Variants in CLIC5 observed in about 807,000 individuals in gnomAD.
CLIC5 encodes the protein CLIC family member 5, also known as chloride intracellular channel protein 5.
Under a neutral mutation model 24.7 loss-of-function variants are expected in CLIC5, and 20 were observed. The ratio of observed to expected loss-of-function variants is 0.81; its 90% CI spans 0.57 to 1.18. CLIC5 has a LOEUF of 1.18. Among genes scored for constraint, CLIC5 ranks in the 50% most tolerant of loss-of-function variants. The probability of loss-of-function intolerance (pLI) is 0.00; values close to 1 mark genes in which losing one functional copy is unlikely to be tolerated. For synonymous variants in CLIC5, 159 were observed against 135.6 expected, an observed-to-expected ratio of 1.17 and a Z score of -1.20; for missense variants, 341 against 326.1, an observed-to-expected ratio of 1.05 and a Z score of -0.35.
rs192526866 is a variant in CLIC5, at chr6:45,909,291, A to G, written c.588+4937T>C. On this transcript the variant is annotated intron_variant, in intron 5 of 5. Transcript: ENST00000339561. ...TAGATCATTTACATTCAAGGTTAAT[A>G]TTGATATGTGAGGTTTTGATCTTTT... 2.8e-4 allele frequency among the ~76,000 whole-genome samples: 42 copies of G among 152,214 alleles called. 1 individual carries two copies. The East Asian group carries it at 6.0e-3, about 22-fold the overall frequency.
At chr6:45,920,341 G>A (rs925988529) in intron 4 of CLIC5, 3 of 957,706 alleles carry the variant, frequency 3.1e-6, no homozygotes, top group Non-Finnish European at 2.5e-6. Flanking sequence ...TGGTCAAAAA[G>A]TGAGAAATCC....
chr6:46,015,509 T>A lies in CLIC5; in HGVS notation c.34A>T (p.Arg12Trp). Residue 12 changes from arginine (R) to tryptophan (W), a missense_variant, in exon 1 of 6, where the codon AGG (arginine) becomes TGG (tryptophan). Coordinates refer to ENST00000339561, the MANE Select transcript of CLIC5 (RefSeq NM_016929.5). Reference sequence around the variant, plus strand: ...ACAAAGAGCTCGATCTCGGGGTCCCTGTCGTCCCCGTTAGCTGTCGCCGAG... The same window carrying A: ...ACAAAGAGCTCGATCTCGGGGTCCCAGTCGTCCCCGTTAGCTGTCGCCGAG... ...TDSATANGDD[R>W]DPEIELFVKA... The A allele has an allele frequency of 6.4e-7, 1 of 1,573,110 alleles. No homozygotes were observed. Among genetic ancestry groups the A allele is most frequent in the Non-Finnish European group, 8.6e-7 (1 of 1,160,940 alleles).
intron 1 of CLIC5, among the ~76,000 whole-genome samples, chr6:45,957,962 T>A (rs2127389739): frequency 6.6e-6 from 1 of 152,092 alleles, no homozygotes; most frequent in African/African-American, 2.4e-5. Context: ...TTTTGAGCAC[T>A]GGGGGCCAGG....
At chr6:45,910,532 A>G (rs1397235767) in intron 5 of CLIC5, among the ~76,000 whole-genome samples, 4 of 152,238 alleles carry the variant, frequency 2.6e-5, no homozygotes, top group Non-Finnish European at 5.9e-5. Context: ...ATGTTACATG[A>G]TAAATTAATT....
chr6:45,890,857 T>C (rs1400382482), intron 6 of CLIC5, among the ~76,000 whole-genome samples: 1 of 152,100 alleles, frequency 6.6e-6, no homozygotes, highest in African/African-American at 2.4e-5. Context: ...CTCACTTTTA[T>C]GTGGAATCTT....
chr6:46,060,839 C>G (rs1396363022), intron 1 of CLIC5, among the ~76,000 whole-genome samples: 2 of 152,174 alleles, frequency 1.3e-5, no homozygotes, highest in Admixed American at 1.3e-4. Context: ...ATTATATGCT[C>G]TAGAACCTGA....
intron 4 of CLIC5, among the ~76,000 whole-genome samples, chr6:45,936,059 C>T (rs978410185): frequency 7.9e-5 from 12 of 152,130 alleles, no homozygotes; most frequent in African/African-American, 2.9e-4. Flanking sequence ...CCTCTGTCAT[C>T]CCATCTATGT....
intron 1 of CLIC5, among the ~76,000 whole-genome samples, chr6:46,047,082 T>G (rs1382143015): frequency 2.0e-5 from 3 of 152,242 alleles, no homozygotes; most frequent in Non-Finnish European, 4.4e-5. Context: ...ATAAGATATT[T>G]GAGCTGCAAC....
intron 1 of CLIC5, among the ~76,000 whole-genome samples, chr6:46,037,587 G>C (rs1767696758): frequency 6.6e-6 from 1 of 152,176 alleles, no homozygotes; most frequent in Non-Finnish European, 1.5e-5. Flanking sequence ...AGAATTATTT[G>C]GGTATGAAGT....
intron 1 of CLIC5, among the ~76,000 whole-genome samples, chr6:45,980,241 G>A (rs987148760): frequency 2.0e-5 from 3 of 151,970 alleles, no homozygotes; most frequent in Admixed American, 2.0e-4. Context: ...TCTTTATCCT[G>A]TTTCACTGGT....
At chr6:45,978,948 T>TAA (rs10542352) in intron 1 of CLIC5, among the ~76,000 whole-genome samples, 17 of 145,014 alleles carry the variant, frequency 1.2e-4, no homozygotes, top group South Asian at 2.2e-4. Context: ...AAAACTCCAT[T>TAA]AAAAAAAAAA....
intron 1 of CLIC5, among the ~76,000 whole-genome samples, chr6:45,985,325 A>G (rs1378667836): frequency 2.0e-5 from 3 of 152,172 alleles, no homozygotes; most frequent in African/African-American, 7.2e-5. Flanking sequence ...TTAATCTCAT[A>G]TACTCTAATT....
intron 1 of CLIC5, among the ~76,000 whole-genome samples, chr6:46,032,147 G>A (rs1767521624): frequency 6.6e-6 from 1 of 152,034 alleles, no homozygotes; most frequent in African/African-American, 2.4e-5. Flanking sequence ...GAAGGCCTCA[G>A]GAAACTTACA....
At chr6:46,100,647 CTTTTA>C in the CLIC5 span, among the ~76,000 whole-genome samples, 4 of 152,178 alleles carry the variant, frequency 2.6e-5, no homozygotes, top group East Asian at 7.7e-4. Context: ...AATCATATAC[CTTTTA>C]TTTTAAATTA....
chr6:46,023,972 A>C (rs1767257065), intron 1 of CLIC5, among the ~76,000 whole-genome samples: 2 of 152,134 alleles, frequency 1.3e-5, no homozygotes, highest in African/African-American at 4.8e-5. Flanking sequence ...TGAACAGTCC[A>C]TCTTGCTAAT....
At chr6:46,022,111 A>G (rs1364885195) in intron 1 of CLIC5, among the ~76,000 whole-genome samples, 1 of 152,232 alleles carries the variant, frequency 6.6e-6, no homozygotes, top group African/African-American at 2.4e-5. Flanking sequence ...AATTAGGCTG[A>G]TCAACAAAAT....
intron 1 of CLIC5, among the ~76,000 whole-genome samples, chr6:45,964,961 C>T (rs2127397753): frequency 6.6e-6 from 1 of 152,306 alleles, no homozygotes; most frequent in Admixed American, 6.5e-5. Flanking sequence ...TTTACAGCTA[C>T]TGTCTTTATG....
intron 1 of CLIC5, among the ~76,000 whole-genome samples, chr6:46,037,663 T>TG (rs1767700047): frequency 6.6e-6 from 1 of 152,254 alleles, no homozygotes; most frequent in Admixed American, 6.5e-5. Flanking sequence ...CATTTAATGC[T>TG]GAGGACAATA....
At chr6:45,896,212 C>A (rs912108833), downstream of CLIC5, among the ~76,000 whole-genome samples, 1 of 152,164 alleles carries the variant, frequency 6.6e-6, no homozygotes, top group Non-Finnish European at 1.5e-5. Context: ...TTCACATAGA[C>A]GAATACCTGA....
Sources: gnomAD v4.1 joint callset for allele counts (sites outside exome capture counted in the v4.1 genomes callset) on GRCh38, gnomAD v4.1.1 for gene constraint, MANE v1.5 for transcripts, NCBI Gene and HGNC (gene_info 2026-07-23, HGNC 2026-07-21) for gene names.